Variants in MNT observed in about 807,000 individuals in gnomAD.
MNT encodes the protein MAX network transcriptional repressor.
Under a neutral mutation model 40.7 loss-of-function variants are expected in MNT, and 13 were observed. The ratio of observed to expected loss-of-function variants is 0.32; its 90% CI spans 0.21 to 0.51. The LOEUF (loss-of-function observed/expected upper bound fraction) is 0.51. MNT is among the 20% of genes least tolerant of loss of function. The pLI is 0.98. For synonymous variants in MNT, 426 were observed against 354.8 expected (o/e 1.20, Z -2.26); for missense variants, 757 against 792.0 (o/e 0.96, Z 0.53).
At chr17:2,400,083 G>A (rs2066604207) in intron 1 of MNT, among the ~76,000 whole-genome samples, 1 of 152,152 alleles carries the variant, frequency 6.6e-6, no homozygotes, top group Non-Finnish European at 1.5e-5. Context: ...GATCTGCCGG[G>A]AGCGCCCCCC....
At chr17:2,394,702 G>A (rs935587971) in intron 2 of MNT, among the ~76,000 whole-genome samples, 173 bp downstream of exon 2, 1 of 152,176 alleles carries the variant, frequency 6.6e-6, no homozygotes, top group Non-Finnish European at 1.5e-5. Flanking sequence ...CAGAAGCCTG[G>A]GAACGGGGGG....
At chr17:2,389,318 C>T (rs1198002232) in intron 4 of MNT, 6 of 152,056 alleles carry the variant, frequency 3.9e-5, no homozygotes, top group Non-Finnish European at 8.8e-5. Context: ...TCTTGTTGCC[C>T]AGGCTGGAGT....
chr17:2,386,584 G>A lies in MNT; in HGVS notation c.*317C>T. 1 of 333,276 alleles carries A rather than the reference G, an allele frequency of 3.0e-6. No individual in the cohort carries two copies. The highest frequency in any genetic ancestry group is 4.9e-5 in the East Asian group (1 of 20,564). 20.6% of individuals were successfully genotyped at this position (333,276 alleles called of 1,614,324 possible). A position where few individuals can be genotyped will look rare whatever the true frequency, so the allele number is the denominator to read the frequency against. On this transcript the variant is annotated 3_prime_UTR_variant, in exon 6 of 6. Coordinates refer to ENST00000174618, the MANE Select transcript of MNT (RefSeq NM_020310.3). ...GGGCGGGGGAGAAGTCAGGGAGCGT[G>A]ACGTCCACATCGCACTGATTTCCGA...
chr17:2,387,440 G>T lies in MNT; in HGVS notation c.1210C>A (p.Gln404Lys), dbSNP rs1340305450. 1 of 1,611,362 alleles carries T rather than the reference G, an allele frequency of 6.2e-7. No individual in the cohort carries two copies. Among genetic ancestry groups the T allele is most frequent in the South Asian group, 1.1e-5 (1 of 90,948 alleles). ...AHLPVQQQQPQQKTPLPAPPP... is the reference protein window; with the variant it reads ...AHLPVQQQQPKQKTPLPAPPP... ...GGGGCTGGCAGAGGGGTCTTCTGCT[G>T]TGGCTGCTGCTGCTGCACGGGGAGG... is the stretch of plus-strand genomic sequence containing the variant. Residue 404 changes from glutamine to lysine, a missense_variant, in exon 6 of 6, where the codon CAG (glutamine) becomes AAG (lysine). By Grantham distance (53) the Gln-to-Lys change is moderately conservative (BLOSUM62 1). Transcript: ENST00000174618.
chr17:2,394,269 G>GCACACACACACACA lies in MNT; in HGVS notation c.695+35_695+36insTGTGTGTGTGTGTG, dbSNP rs771759353. The GCACACACACACACA allele has an allele frequency of 3.2e-5, 47 of 1,490,786 alleles. No homozygotes were observed. The African/African-American group carries it at 5.4e-4, about 17-fold the overall frequency. The allele number at this position is 1,490,786 out of a possible 1,614,324, so 92.3% of individuals were successfully genotyped here. On this transcript the variant is annotated intron_variant, in intron 3 of 5. Coordinates refer to ENST00000174618, the MANE Select transcript of MNT (RefSeq NM_020310.3). Reference sequence around the variant, plus strand: ...GCCGGGGCCCGGGTCGCGCGCGCACGCACGCACGCACACACACACACACAC... The same window carrying GCACACACACACACA: ...GCCGGGGCCCGGGTCGCGCGCGCACGCACACACACACACACACGCACGCACACACACACACACAC...
At position 2,388,058 on chromosome 17, in the gene MNT, C is replaced by CA. The variant is rs1267935350; in HGVS notation, c.808-10dup. On this transcript the variant is annotated splice_polypyrimidine_tract_variant and intron_variant, in intron 4 of 5. Transcript: ENST00000174618. ...TCCTTCCTCTTCAGGGACTGGCACA[C>CA]AGAGTAAGGGACAGCAGGACACCCT... The CA allele has an allele frequency of 1.3e-6, 2 of 1,552,212 alleles. No individual in the cohort carries two copies. The highest frequency in any genetic ancestry group is 3.9e-5 in the Admixed American group (2 of 51,256).
chr17:2,398,141 G>GC (rs2066589608), intron 1 of MNT, among the ~76,000 whole-genome samples: 2 of 152,372 alleles, frequency 1.3e-5, no homozygotes, highest in African/African-American at 4.8e-5. Flanking sequence ...CCTAAGGCAG[G>GC]CCCAGGGTAA....
At position 2,395,453 on chromosome 17, in the gene MNT, C is replaced by A; in HGVS notation, c.75G>T (p.Glu25Asp). ...WQAQQQQRAR[E>D]EQERLRLEQE... ...GCTCCAAGCGAAGCCGCTCCTGCTC[C>A]TCTACACAGAGAGAACACAAGGGGG... The change falls in exon 2 of 6, where the codon GAG becomes GAT. Residue 25 changes from glutamate (E) to aspartate (D), a missense_variant and splice_region_variant. By Grantham distance (45) the Glu-to-Asp change is conservative (BLOSUM62 2). Transcript: ENST00000174618. The A allele has an allele frequency of 6.2e-7, 1 of 1,611,846 alleles. No homozygotes were observed.
In MNT at chr17:2,400,787, G is replaced by T; in HGVS notation, c.-75C>A. On this transcript the variant is annotated 5_prime_UTR_variant, in exon 1 of 6. Transcript: ENST00000174618. ...AGCCGGGCACAGGTCAGGCTGGCGG[G>T]CAGGCAGGAGGGAGGGATCACCTCC... is the stretch of plus-strand genomic sequence containing the variant. 1 of 1,332,116 alleles carries T rather than the reference G, an allele frequency of 7.5e-7. No homozygotes were observed. Among genetic ancestry groups the T allele is most frequent in the Non-Finnish European group, 9.9e-7 (1 of 1,010,066 alleles). The allele number at this position is 1,332,116 out of a possible 1,614,324, so 82.5% of individuals were successfully genotyped here.
At chr17:2,388,196 G>A (rs1322650467) in intron 4 of MNT, 147 bp from the exon 5 acceptor site, 15 of 713,392 alleles carry the variant, frequency 2.1e-5, no homozygotes, top group South Asian at 5.7e-5. Context: ...GCTGGAGACC[G>A]CACCTGTTGT....
At chr17:2,394,635 T>C (rs1339268168) in intron 2 of MNT, among the ~76,000 whole-genome samples, 1 of 152,162 alleles carries the variant, frequency 6.6e-6, no homozygotes, top group African/African-American at 2.4e-5. Flanking sequence ...AGGCCCATAC[T>C]CTGTCCAGAG....
intron 4 of MNT, 59 bp from the exon 5 acceptor site, chr17:2,388,108 C>T: frequency 1.4e-6 from 2 of 1,454,102 alleles, no homozygotes; most frequent in Non-Finnish European, 1.9e-6. Context: ...GGGCCCAAAG[C>T]CCCCACAAAC....
In MNT at chr17:2,395,353, G is replaced by A. The variant is rs141569229; in HGVS notation, c.175C>T (p.Arg59Cys). The stretch of plus-strand genomic sequence containing the variant: ...AGAGGCAGGGGTGGCGCCTCCATGC[G>A]GGGTTCCTCCACAGGAAGGGTATGT... ...LAHTLPVEEP[R>C]MEAPPLPLSP... Residue 59 changes from arginine (R) to cysteine (C), a missense_variant, in exon 2 of 6, where the codon CGC becomes TGC. Around this residue, in one of 4 missense-constraint regions of MNT, gnomAD observed 335 missense variants for 291.4 expected, o/e 1.15. Transcript: ENST00000174618. 1.1e-5 allele frequency: 17 copies of A among 1,612,972 alleles called. No individual in the cohort carries two copies. Among genetic ancestry groups the A allele is most frequent in the African/African-American group, 4.0e-5 (3 of 74,872 alleles).
At chr17:2,392,891 G>C (rs1046654397) in intron 4 of MNT, 10 of 152,180 alleles carry the variant, frequency 6.6e-5, no homozygotes, top group African/African-American at 2.2e-4. Flanking sequence ...GCGTTGGCGG[G>C]AGGCTGGGAG....
chr17:2,387,156 G>A lies in MNT; in HGVS notation c.1494C>T (p.Leu498=). Residue 498 remains leucine, a synonymous_variant, in exon 6 of 6, where the codon CTC becomes CTT. Coordinates refer to ENST00000174618, the MANE Select transcript of MNT (RefSeq NM_020310.3). The stretch of plus-strand genomic sequence containing the variant: ...GGGAGCCCAGGTGGGCCACATGGTT[G>A]AGGGTGGCAGGGTGCACAGTGATGT... The part of the protein sequence containing the change: ...IGHITVHPAT[L]NHVAHLGSQL... 1 of 1,601,846 alleles carries A rather than the reference G, an allele frequency of 6.2e-7. No homozygotes were observed. Among genetic ancestry groups the A allele is most frequent in the South Asian group, 1.1e-5 (1 of 89,266 alleles).
At chr17:2,388,718 A>G (rs2066488984) in intron 4 of MNT, among the ~76,000 whole-genome samples, 1 of 152,096 alleles carries the variant, frequency 6.6e-6, no homozygotes, top group Non-Finnish European at 1.5e-5. Context: ...TACTTGGGCT[A>G]AACCGATCCA....
At chr17:2,399,593 A>AGAGGCC (rs1437025701) in intron 1 of MNT, among the ~76,000 whole-genome samples, 1 of 152,088 alleles carries the variant, frequency 6.6e-6, no homozygotes, top group Non-Finnish European at 1.5e-5. Context: ...GGAGGTGCCC[A>AGAGGCC]GAGGCCGGGG....
At chr17:2,394,788 G>T in intron 2 of MNT, 87 bp downstream of exon 2, 4 of 938,518 alleles carry the variant, frequency 4.3e-6, no homozygotes, top group Non-Finnish European at 6.6e-6. Flanking sequence ...CTTCTAAGCT[G>T]GGGAGGGCAC....
intron 4 of MNT, chr17:2,390,674 CTGTTTTGT>C (rs1453301340): frequency 6.6e-6 from 1 of 152,192 alleles, no homozygotes; most frequent in African/African-American, 2.4e-5. Context: ...AGCAGTTTTG[CTGTTTTGT>C]AGCAGCTTTT....
Sources: allele counts gnomAD v4.1 joint callset (sites outside exome capture counted in the v4.1 genomes callset), GRCh38; gene constraint gnomAD v4.1.1; regional missense constraint gnomAD v4.1.1; transcripts MANE v1.5; gene names NCBI Gene and HGNC (gene_info 2026-07-23, HGNC 2026-07-21).